The following PRKCA variants were observed in gnomAD, a reference collection of about 807,000 sequenced individuals.
PRKCA encodes protein kinase C alpha.
Under a neutral mutation model 87.0 loss-of-function variants are expected in PRKCA, and 27 were observed. The observed-to-expected ratio is 0.31, with a 90% CI of 0.23 to 0.43. The LOEUF is 0.43. Among genes scored for constraint, PRKCA ranks in the 20% least tolerant of loss-of-function variants. PRKCA has a pLI of 1.00. For synonymous variants in PRKCA, 329 were observed against 311.1 expected (o/e 1.06, Z -0.61); for missense variants, 518 against 852.3 (o/e 0.61, Z 4.88).
chr17:66,329,690 G>A (rs1314567411), intron 2 of PRKCA, among the ~76,000 whole-genome samples: 2 of 152,182 alleles, frequency 1.3e-5, no homozygotes, highest in African/African-American at 4.8e-5. Context: ...GTAGGACAAG[G>A]TTTCAAGACA....
chr17:66,638,277 T>A (rs112878572), intron 3 of PRKCA: 9 of 152,004 alleles, frequency 5.9e-5, no homozygotes, highest in Non-Finnish European at 1.3e-4. Flanking sequence ...GTCTGTGCTC[T>A]CTGAAGCAGC....
chr17:66,507,807 A>C (rs1165885894), intron 3 of PRKCA, among the ~76,000 whole-genome samples: 1 of 152,108 alleles, frequency 6.6e-6, no homozygotes, highest in Non-Finnish European at 1.5e-5. Flanking sequence ...GTTTTTTAGA[A>C]GCTGAACTTC....
At chr17:66,717,484 C>G (rs1321881605) in intron 8 of PRKCA, among the ~76,000 whole-genome samples, 1 of 152,180 alleles carries the variant, frequency 6.6e-6, no homozygotes, top group Non-Finnish European at 1.5e-5. Context: ...ATCGCGGTGC[C>G]CCCTGGGCTC....
chr17:66,318,779 C>T (rs944030228), intron 2 of PRKCA, among the ~76,000 whole-genome samples: 7 of 151,642 alleles, frequency 4.6e-5, no homozygotes, highest in Admixed American at 3.3e-4. Context: ...TGCTTGAACC[C>T]GGGAGGCAGA....
intron 2 of PRKCA, among the ~76,000 whole-genome samples, chr17:66,339,290 TTTA>T (rs1238752132): frequency 6.6e-6 from 1 of 152,206 alleles, no homozygotes; most frequent in East Asian, 1.9e-4. Context: ...GATTCGGCTG[TTTA>T]TTTGCAGAAA....
intron 2 of PRKCA, among the ~76,000 whole-genome samples, chr17:66,329,559 G>A (rs1361314366): frequency 6.6e-6 from 1 of 152,216 alleles, no homozygotes; most frequent in Non-Finnish European, 1.5e-5. Flanking sequence ...CATCTACGGA[G>A]ATGGGAATGA....
intron 3 of PRKCA, among the ~76,000 whole-genome samples, chr17:66,579,888 G>C (rs1969366249): frequency 6.6e-6 from 1 of 152,082 alleles, no homozygotes; most frequent in Non-Finnish European, 1.5e-5. Flanking sequence ...AAAAATCGGG[G>C]GTTGGACTTC....
At chr17:66,451,962 G>T (rs1288959500) in intron 2 of PRKCA, among the ~76,000 whole-genome samples, 1 of 152,122 alleles carries the variant, frequency 6.6e-6, no homozygotes, top group Non-Finnish European at 1.5e-5. Flanking sequence ...CAGAAAATTG[G>T]ATTGAAAGCA....
intron 2 of PRKCA, among the ~76,000 whole-genome samples, chr17:66,409,616 T>C (rs779342521): frequency 6.6e-6 from 1 of 152,194 alleles, no homozygotes; most frequent in Non-Finnish European, 1.5e-5. Flanking sequence ...GTCTTCAATA[T>C]TCTGAGAGCT....
At chr17:66,603,173 G>A (rs924262302) in intron 3 of PRKCA, among the ~76,000 whole-genome samples, 4 of 152,182 alleles carry the variant, frequency 2.6e-5, no homozygotes, top group African/African-American at 9.7e-5. Flanking sequence ...TCCAGAAGGT[G>A]TTTTCTGTGA....
intron 3 of PRKCA, among the ~76,000 whole-genome samples, chr17:66,545,168 C>T (rs1024781869): frequency 6.6e-6 from 1 of 152,176 alleles, no homozygotes; most frequent in Admixed American, 6.5e-5. Context: ...GTGAATCACG[C>T]CTGTAATCCC....
chr17:66,800,087 G>A (rs1262980856), intron 16 of PRKCA, among the ~76,000 whole-genome samples: 4 of 152,178 alleles, frequency 2.6e-5, no homozygotes, highest in Admixed American at 2.6e-4. Flanking sequence ...TGGTTGATGT[G>A]GCTGAACTTC....
intron 3 of PRKCA, among the ~76,000 whole-genome samples, chr17:66,561,073 C>A (rs1384991218): frequency 6.6e-6 from 1 of 152,146 alleles, no homozygotes; most frequent in Non-Finnish European, 1.5e-5. Flanking sequence ...GGAGGTGGGC[C>A]TGTGGAGAAC....
chr17:66,449,216 G>A (rs1914189202), intron 2 of PRKCA, among the ~76,000 whole-genome samples: 1 of 152,090 alleles, frequency 6.6e-6, no homozygotes, highest in African/African-American at 2.4e-5. Context: ...TTGAGCCCAG[G>A]AGATGGAAGT....
chr17:66,540,377 G>A (rs1967942032), intron 3 of PRKCA, among the ~76,000 whole-genome samples: 1 of 152,238 alleles, frequency 6.6e-6, no homozygotes, highest in Admixed American at 6.5e-5. Flanking sequence ...TGCAAACCCT[G>A]GAGTGGGGCT....
chr17:66,396,123 G>T (rs1175448978), intron 2 of PRKCA, among the ~76,000 whole-genome samples: 1 of 151,750 alleles, frequency 6.6e-6, no homozygotes, highest in Non-Finnish European at 1.5e-5. Context: ...GCTAAGTATG[G>T]TTCTTCTCTC....
intron 9 of PRKCA, among the ~76,000 whole-genome samples, chr17:66,734,170 G>A (rs2144208292): frequency 6.6e-6 from 1 of 152,334 alleles, no homozygotes; most frequent in Middle Eastern, 3.4e-3. Flanking sequence ...GACCCCAAGA[G>A]GAGGGTTCTT....
intron 3 of PRKCA, among the ~76,000 whole-genome samples, chr17:66,585,066 A>AG (rs537880793): frequency 1.6e-3 from 94 of 60,186 alleles, no homozygotes; most frequent in African/African-American, 5.9e-3. Flanking sequence ...ATGCATGGGG[A>AG]GGGGGGGGTG....
At position 66,688,159 on chromosome 17, in the gene PRKCA, C is replaced by T. The variant is rs951264561; in HGVS notation, c.687-143C>T. On this transcript the variant is annotated intron_variant, in intron 6 of 16. Coordinates refer to ENST00000413366, the MANE Select transcript of PRKCA (RefSeq NM_002737.3). ...TTAACTCCTGTAGCGCTTTGCTTGC[C>T]AGCATAAGGGGTTGGTATTTTACTG... 8.1e-6 allele frequency: 8 copies of T among 990,296 alleles called. No individual in the cohort carries two copies. In the African/African-American group the frequency reaches 1.1e-4, roughly 14 times the overall value. 61.3% of individuals were successfully genotyped at this position (990,296 alleles called of 1,614,324 possible).
Sources: gnomAD v4.1 joint callset for allele counts (sites outside exome capture counted in the v4.1 genomes callset) on GRCh38, gnomAD v4.1.1 for gene constraint, MANE v1.5 for transcripts, NCBI Gene and HGNC (gene_info 2026-07-23, HGNC 2026-07-21) for gene names.